Variants in WDR41 observed in about 807,000 individuals in gnomAD.
WDR41 encodes WD repeat-containing protein 41.
Under a neutral mutation model 69.3 loss-of-function variants are expected in WDR41, and 63 were observed. The observed-to-expected ratio is 0.91, with a 90% CI of 0.74 to 1.12. The LOEUF (loss-of-function observed/expected upper bound fraction) is 1.12, where lower values mean the gene tolerates loss of function less well. WDR41 is among the 50% of genes most tolerant of loss of function. The pLI, the probability that WDR41 is intolerant of heterozygous loss-of-function variation, is 0.00. For missense variants in WDR41, 543 were observed against 534.5 expected (o/e 1.02, Z -0.16); for synonymous variants, 185 against 192.1 (o/e 0.96, Z 0.31).
At chr5:77,585,015 C>A (rs1744012550) in intron 1 of WDR41, among the ~76,000 whole-genome samples, 1 of 151,918 alleles carries the variant, frequency 6.6e-6, no homozygotes, top group African/African-American at 2.4e-5. Flanking sequence ...GCAAAAGGAG[C>A]AGTCAGCAGA....
At chr5:77,482,295 T>C (rs1318637771) in intron 2 of WDR41, among the ~76,000 whole-genome samples, 2 of 152,194 alleles carry the variant, frequency 1.3e-5, no homozygotes, top group Non-Finnish European at 2.9e-5. Context: ...TAAGTTAACA[T>C]TTACTTCCTT....
In WDR41 at chr5:77,510,351, C is replaced by T. The variant is rs138447545; in HGVS notation, c.43-20779G>A. ...TGACTCAGTCATCTCCCACCAGGTC[C>T]CTCCCACAACACATGGGAATTATGG... On this transcript the variant is annotated intron_variant, in intron 1 of 5. Coordinates refer to the WDR41 transcript ENST00000509971. Among the ~76,000 whole-genome samples, 782 of 152,230 alleles carry T rather than the reference C, an allele frequency of 5.1e-3. 6 individuals carry two copies. Among genetic ancestry groups the T allele is most frequent in the African/African-American group, 0.018 (746 of 41,518 alleles).
chr5:77,443,036 GAC>G (rs2151294540), intron 8 of WDR41, among the ~76,000 whole-genome samples: 1 of 151,318 alleles, frequency 6.6e-6, no homozygotes, highest in East Asian at 1.9e-4. Context: ...TTTAGGGTAA[GAC>G]AGAAGACTAT....
chr5:77,570,299 T>C (rs1743712710), intron 1 of WDR41, among the ~76,000 whole-genome samples: 1 of 151,996 alleles, frequency 6.6e-6, no homozygotes, highest in East Asian at 1.9e-4. Context: ...CATTAAAATA[T>C]ATCATACAAT....
At chr5:77,480,682 G>A (rs1447443376) in intron 2 of WDR41, among the ~76,000 whole-genome samples, 2 of 142,430 alleles carry the variant, frequency 1.4e-5, no homozygotes, top group South Asian at 2.5e-4. Flanking sequence ...TGTAGGGTGC[G>A]GGGAGGGGGG....
intron 1 of WDR41, among the ~76,000 whole-genome samples, chr5:77,516,434 T>A (rs1281545576): frequency 6.6e-6 from 1 of 152,206 alleles, no homozygotes; most frequent in East Asian, 1.9e-4. Context: ...AATCTGCATT[T>A]CCCATAGCAA....
At chr5:77,492,557 G>A (rs191587706), upstream of WDR41, 596 of 309,142 alleles carry the variant, frequency 1.9e-3, 5 homozygotes, top group African/African-American at 0.011. Flanking sequence ...TAGGTAGCTC[G>A]AGCGGCCCCT....
intron 1 of WDR41, among the ~76,000 whole-genome samples, chr5:77,558,089 C>CT (rs368168427): frequency 9.0e-4 from 62 of 68,886 alleles, no homozygotes; most frequent in African/African-American, 2.6e-3. Flanking sequence ...TTCAAATGTT[C>CT]TTTTTAAAAA....
intron 1 of WDR41, among the ~76,000 whole-genome samples, chr5:77,599,121 GTT>G (rs35077936): frequency 2.1e-4 from 28 of 134,710 alleles, no homozygotes; most frequent in African/African-American, 6.3e-4. Context: ...TAAAACATAC[GTT>G]TTTTTTTTTT....
chr5:77,474,153 G>A (rs370007596), intron 2 of WDR41, among the ~76,000 whole-genome samples: 1 of 152,096 alleles, frequency 6.6e-6, no homozygotes, highest in African/African-American at 2.4e-5. Flanking sequence ...GATGAAGCTG[G>A]AAACCATCAT....
intron 1 of WDR41, among the ~76,000 whole-genome samples, chr5:77,591,773 C>A (rs1336334216): frequency 6.6e-6 from 1 of 152,096 alleles, no homozygotes; most frequent in African/African-American, 2.4e-5. Flanking sequence ...AGATTTCAGT[C>A]ATTTGATATT....
At chr5:77,456,526 G>A (rs1380966521) in intron 5 of WDR41, among the ~76,000 whole-genome samples, 1 of 152,116 alleles carries the variant, frequency 6.6e-6, no homozygotes, top group Non-Finnish European at 1.5e-5. Flanking sequence ...TTTGGGAATA[G>A]AGACAGTTTT....
chr5:77,472,025 T>C (rs1177751981), intron 2 of WDR41, among the ~76,000 whole-genome samples: 2 of 152,174 alleles, frequency 1.3e-5, no homozygotes, highest in East Asian at 3.8e-4. Context: ...AAATCCTCAG[T>C]AAAATACTGG....
chr5:77,434,054 G>A (rs1050431962), intron 12 of WDR41, among the ~76,000 whole-genome samples: 22 of 152,306 alleles, frequency 1.4e-4, no homozygotes, highest in Admixed American at 3.3e-4. Flanking sequence ...ACAGGGCCGG[G>A]CGTGGTGGCT....
At chr5:77,526,272 A>G (rs1485957335) in intron 1 of WDR41, among the ~76,000 whole-genome samples, 1 of 151,718 alleles carries the variant, frequency 6.6e-6, no homozygotes, top group African/African-American at 2.4e-5. Flanking sequence ...ACGTCATTTC[A>G]ACCTTAAATA....
chr5:77,473,051 T>G (rs961262641), intron 2 of WDR41, among the ~76,000 whole-genome samples: 1 of 151,904 alleles, frequency 6.6e-6, no homozygotes, highest in Non-Finnish European at 1.5e-5. Context: ...CAAAACAGCA[T>G]GATACTGGTA....
chr5:77,548,598 G>C (rs1392255470), intron 1 of WDR41, among the ~76,000 whole-genome samples: 1 of 152,174 alleles, frequency 6.6e-6, no homozygotes, highest in Non-Finnish European at 1.5e-5. Flanking sequence ...ACTTCTGCTA[G>C]AATGGCCATA....
intron 1 of WDR41, among the ~76,000 whole-genome samples, chr5:77,515,869 G>T (rs921335335): frequency 1.3e-5 from 2 of 152,132 alleles, no homozygotes; most frequent in Admixed American, 1.3e-4. Flanking sequence ...ATGGCCATTT[G>T]ATAATCTATT....
At chr5:77,468,741 A>G (rs1343566266) in intron 2 of WDR41, among the ~76,000 whole-genome samples, 2 of 152,200 alleles carry the variant, frequency 1.3e-5, no homozygotes, top group Non-Finnish European at 1.5e-5. Flanking sequence ...TTATGGCAGT[A>G]CAGGCACCCC....
Sources: gnomAD v4.1 joint callset for allele counts (sites outside exome capture counted in the v4.1 genomes callset) on GRCh38, gnomAD v4.1.1 for gene constraint, MANE v1.5 for transcripts, NCBI Gene and HGNC (gene_info 2026-07-23, HGNC 2026-07-21) for gene names.